Variants in DNAI4 observed in about 807,000 individuals in gnomAD.
DNAI4 encodes the protein dynein axonemal intermediate chain 4.
A neutral mutation model predicts 105.8 loss-of-function variants in DNAI4; 85 were observed. That is an observed-to-expected ratio of 0.80 (90% confidence interval 0.67 to 0.96). DNAI4 has a LOEUF of 0.96. Ranked by LOEUF, DNAI4 falls within the 40% of genes least tolerant of loss-of-function variation. The pLI is 0.00. For missense variants in DNAI4, 1,014 were observed against 1,005.6 expected, an observed-to-expected ratio of 1.01 and a Z score of -0.11; for synonymous variants, 352 against 331.5, an observed-to-expected ratio of 1.06 and a Z score of -0.67.
intron 3 of DNAI4, among the ~76,000 whole-genome samples, chr1:66,892,974 A>AG (rs1647828341): frequency 7.3e-6 from 1 of 137,142 alleles, no homozygotes; most frequent in African/African-American, 3.0e-5. Context: ...AGAAAGAAAG[A>AG]AAGAAAGAAA....
At position 66,849,889 on chromosome 1, in the gene DNAI4, T is replaced by C. The variant is rs150362631; in HGVS notation, c.1097-2211A>G. 1.1e-3 allele frequency among the ~76,000 whole-genome samples: 160 copies of C among 151,826 alleles called. 1 individual carries two copies. The highest frequency in any genetic ancestry group is 3.5e-3 in the East Asian group (18 of 5,154). On this transcript the variant is annotated intron_variant, in intron 7 of 16. Transcript: ENST00000371026. ...AATCTTTAAAACAGACAGAAAAGTC[T>C]GAAAAAAATGAAGACTCTCAAAAAC...
intron 4 of DNAI4, among the ~76,000 whole-genome samples, chr1:66,882,064 G>A (rs1647084797): frequency 1.3e-5 from 2 of 152,182 alleles, no homozygotes; most frequent in African/African-American, 2.4e-5. Flanking sequence ...CCATGATTGT[G>A]AGGCCTCCCC....
In DNAI4 at chr1:66,890,019, A is replaced by G. The variant is rs1215068098; in HGVS notation, c.643+1135T>C. Among the ~76,000 whole-genome samples, 1 of 152,164 alleles carries G rather than the reference A, an allele frequency of 6.6e-6. No homozygotes were observed. The highest frequency in any genetic ancestry group is 1.5e-5 in the Non-Finnish European group (1 of 68,022). On this transcript the variant is annotated intron_variant, in intron 4 of 16. Coordinates refer to ENST00000371026, the MANE Select transcript of DNAI4 (RefSeq NM_024763.5). The surrounding 1 kb of genome is among the most constrained non-coding windows in gnomAD (Gnocchi z 4.1). ...AATGTATCAGAATTATTTGTCTGCA[A>G]TTAGAAGCTGAATTTGGTGGCTCAC...
At chr1:66,822,900 G>GTTAT (rs1339067579) in intron 15 of DNAI4, among the ~76,000 whole-genome samples, 1 of 149,542 alleles carries the variant, frequency 6.7e-6, no homozygotes, top group South Asian at 2.1e-4. Context: ...TGTTTTTTTT[G>GTTAT]TTATTTATTT....
chr1:66,820,635 T>C (rs1645606228), intron 16 of DNAI4, among the ~76,000 whole-genome samples: 2 of 152,054 alleles, frequency 1.3e-5, no homozygotes, highest in African/African-American at 4.8e-5. Flanking sequence ...ATTTAAACAA[T>C]AAGTCATGAA....
chr1:66,924,331 C>T (rs1650935273), intron 1 of DNAI4, among the ~76,000 whole-genome samples: 1 of 152,168 alleles, frequency 6.6e-6, no homozygotes. Context: ...CCACCACGTC[C>T]GGCTAACTTT....
chr1:66,881,946 C>T (rs2991359), intron 4 of DNAI4, among the ~76,000 whole-genome samples: 10 of 152,022 alleles, frequency 6.6e-5, no homozygotes, highest in Non-Finnish European at 1.2e-4. Flanking sequence ...ATAGTGAATG[C>T]GTCTCAAGAG....
In DNAI4 at chr1:66,868,049, C is replaced by T. The variant is rs1202983462; in HGVS notation, c.940+3321G>A. Among the ~76,000 whole-genome samples, 6 of 152,176 alleles carry T rather than the reference C, an allele frequency of 3.9e-5. No homozygotes were observed. In the South Asian group the frequency reaches 6.2e-4, roughly 16 times the overall value. ...ATCAACTGCTCTTTTTGGCATTTAC[C>T]GTTCTTGTTTTACATTAAACCTATA... is the stretch of plus-strand genomic sequence containing the variant. On this transcript the variant is annotated intron_variant, in intron 6 of 16. Coordinates refer to ENST00000371026, the MANE Select transcript of DNAI4 (RefSeq NM_024763.5).
chr1:66,839,325 A>G (rs1202814829), intron 9 of DNAI4, among the ~76,000 whole-genome samples: 1 of 152,310 alleles, frequency 6.6e-6, no homozygotes, highest in East Asian at 1.9e-4. Context: ...TCCCAAATAT[A>G]GTTTTATAAA....
At chr1:66,910,730 C>G (rs1319914299) in intron 1 of DNAI4, among the ~76,000 whole-genome samples, 1 of 152,194 alleles carries the variant, frequency 6.6e-6, no homozygotes, top group Admixed American at 6.5e-5. Flanking sequence ...CATAGTATAT[C>G]TTTAACTTAT....
In DNAI4 at chr1:66,922,480, T is replaced by G. The variant is rs369008373; in HGVS notation, c.170+2182A>C. Among the ~76,000 whole-genome samples the G allele has an allele frequency of 1.9e-4, 29 of 152,274 alleles. No homozygotes were observed. The South Asian group carries it at 5.6e-3, about 29-fold the overall frequency. On this transcript the variant is annotated intron_variant, in intron 1 of 16. Transcript: ENST00000371026. ...ATTAGGCAAGAGGAAGAGTCTATAGTGAGATCCTGTGGGGCCCTGTAAAGA... is the reference window on the plus strand; with the variant it reads ...ATTAGGCAAGAGGAAGAGTCTATAGGGAGATCCTGTGGGGCCCTGTAAAGA...
intron 15 of DNAI4, 74 bp downstream of exon 15, chr1:66,826,746 G>A: frequency 7.7e-7 from 1 of 1,294,700 alleles, no homozygotes; most frequent in Admixed American, 1.9e-5. Context: ...CCTCTAACTG[G>A]TGTCAAAACT....
intron 8 of DNAI4, among the ~76,000 whole-genome samples, chr1:66,845,170 G>A (rs1234830229): frequency 1.1e-5 from 1 of 89,418 alleles, no homozygotes; most frequent in Non-Finnish European, 2.1e-5. Flanking sequence ...CAGCCTGGGT[G>A]ACAGAGCGAA....
intron 2 of DNAI4, among the ~76,000 whole-genome samples, chr1:66,903,967 A>G (rs983476013): frequency 3.3e-5 from 5 of 151,538 alleles, no homozygotes; most frequent in Non-Finnish European, 7.4e-5. Context: ...TATTTTCACC[A>G]TTGGAGAAAA....
At chr1:66,847,933 G>T (rs1297908528) in intron 7 of DNAI4, 6 of 427,954 alleles carry the variant, frequency 1.4e-5, no homozygotes, top group Non-Finnish European at 2.5e-5. Flanking sequence ...GGTAATTTTT[G>T]TCTTTATTCT....
At chr1:66,855,223 G>T (rs929914673) in intron 7 of DNAI4, among the ~76,000 whole-genome samples, 1 of 152,112 alleles carries the variant, frequency 6.6e-6, no homozygotes, top group Admixed American at 6.5e-5. Flanking sequence ...TCCTAAACTT[G>T]CCTACCTTGC....
intron 1 of DNAI4, among the ~76,000 whole-genome samples, chr1:66,914,860 C>A (rs1452013325): frequency 6.6e-6 from 1 of 152,010 alleles, no homozygotes; most frequent in South Asian, 2.1e-4. Flanking sequence ...AATAAAAGCA[C>A]TTAAATCAGG....
intron 2 of DNAI4, among the ~76,000 whole-genome samples, chr1:66,894,204 G>A (rs960819755): frequency 6.6e-6 from 1 of 152,124 alleles, no homozygotes; most frequent in Non-Finnish European, 1.5e-5. Context: ...TGTTATAAGA[G>A]ATGATAGCTC....
At chr1:66,843,156 T>C (rs1257309342) in intron 8 of DNAI4, among the ~76,000 whole-genome samples, 8 of 132,990 alleles carry the variant, frequency 6.0e-5, no homozygotes, top group Non-Finnish European at 4.6e-5. Context: ...GCCGTGATTG[T>C]GCCACTGTAC....
Sources: allele counts gnomAD v4.1 joint callset (sites outside exome capture counted in the v4.1 genomes callset), GRCh38; gene constraint gnomAD v4.1.1; non-coding constraint Gnocchi (gnomAD v3.1); transcripts MANE v1.5; gene names NCBI Gene and HGNC (gene_info 2026-07-23, HGNC 2026-07-21).